Variants in NLK observed in about 807,000 individuals in gnomAD.
NLK encodes serine/threonine-protein kinase NLK.
A neutral mutation model predicts 59.0 loss-of-function variants in NLK; 11 were observed. The observed-to-expected ratio is 0.19, with a 90% CI of 0.12 to 0.31. The LOEUF is 0.31. NLK is among the 10% of genes least tolerant of loss of function. NLK has a pLI of 1.00. For missense variants in NLK, 410 were observed against 661.1 expected (o/e 0.62, Z 4.16); for synonymous variants, 235 against 235.9 (o/e 1.00, Z 0.03).
intron 7 of NLK, among the ~76,000 whole-genome samples, chr17:28,174,830 C>T (rs1012464109): frequency 6.6e-6 from 1 of 152,072 alleles, no homozygotes; most frequent in Non-Finnish European, 1.5e-5. Flanking sequence ...ACTTCCCACT[C>T]CCTGCCCACT....
chr17:28,167,659 G>T (rs1281449082), intron 5 of NLK, among the ~76,000 whole-genome samples: 1 of 150,886 alleles, frequency 6.6e-6, no homozygotes, highest in Non-Finnish European at 1.5e-5. Flanking sequence ...AGACCAGCCT[G>T]GGCAACATGG....
intron 6 of NLK, among the ~76,000 whole-genome samples, chr17:28,170,956 T>A (rs1908437825): frequency 6.6e-6 from 1 of 152,224 alleles, no homozygotes; most frequent in African/African-American, 2.4e-5. Flanking sequence ...GGCTCTAACT[T>A]CTAATGGAAG....
intron 7 of NLK, among the ~76,000 whole-genome samples, chr17:28,174,637 C>A (rs975935003): frequency 6.6e-6 from 1 of 152,138 alleles, no homozygotes; most frequent in African/African-American, 2.4e-5. Flanking sequence ...TAAAGTTATA[C>A]CAACAATACA....
chr17:28,123,252 TG>T (rs1906145427), intron 2 of NLK, among the ~76,000 whole-genome samples: 6 of 152,354 alleles, frequency 3.9e-5, no homozygotes, highest in African/African-American at 1.4e-4. Flanking sequence ...TCAATCTGAA[TG>T]TCTTTTTTAA....
At chr17:28,159,899 G>A (rs917346221) in intron 3 of NLK, among the ~76,000 whole-genome samples, 5 of 152,172 alleles carry the variant, frequency 3.3e-5, no homozygotes, top group Non-Finnish European at 7.3e-5. Flanking sequence ...ATGAATTGGA[G>A]GTATGGTGAA....
At chr17:28,075,267 C>T (rs149710800) in intron 1 of NLK, among the ~76,000 whole-genome samples, 15 of 152,276 alleles carry the variant, frequency 9.9e-5, no homozygotes, top group African/African-American at 3.1e-4. Context: ...TAAGGTGATT[C>T]GTGTGAAACT....
the NLK span, among the ~76,000 whole-genome samples, chr17:28,202,630 G>A: frequency 1.9e-4 from 28 of 149,536 alleles, no homozygotes; most frequent in African/African-American, 6.6e-4. Context: ...ATTTTCTCTT[G>A]TTCTATTTTC....
intron 7 of NLK, among the ~76,000 whole-genome samples, chr17:28,172,957 CT>C (rs1908523478): frequency 6.6e-6 from 1 of 152,148 alleles, no homozygotes; most frequent in South Asian, 2.1e-4. Context: ...TCAAGATGTC[CT>C]TTCCAAATAC....
chr17:28,104,417 A>G (rs1240671414), intron 1 of NLK, among the ~76,000 whole-genome samples: 1 of 152,024 alleles, frequency 6.6e-6, no homozygotes, highest in Non-Finnish European at 1.5e-5. Context: ...CACTATGCCC[A>G]GCTAATTTTT....
chr17:28,049,094 A>G (rs1039793290), intron 1 of NLK, among the ~76,000 whole-genome samples: 1 of 152,208 alleles, frequency 6.6e-6, no homozygotes, highest in Non-Finnish European at 1.5e-5. Flanking sequence ...CAACAGTTGT[A>G]ACACTGTCAG....
intron 1 of NLK, among the ~76,000 whole-genome samples, chr17:28,086,889 A>T (rs997324639): frequency 4.0e-5 from 6 of 150,894 alleles, no homozygotes; most frequent in East Asian, 1.9e-4. Flanking sequence ...ATATATATAT[A>T]TTTTATATTT....
chr17:28,132,746 G>C, intron 3 of NLK, 71 bp downstream of exon 3: 1 of 1,258,310 alleles, frequency 7.9e-7, no homozygotes, highest in South Asian at 1.3e-5. Context: ...GCACCTTTTG[G>C]GGTTCATGCC....
At chr17:28,105,264 C>T (rs1196785497) in intron 1 of NLK, among the ~76,000 whole-genome samples, 1 of 152,168 alleles carries the variant, frequency 6.6e-6, no homozygotes, top group Non-Finnish European at 1.5e-5. Flanking sequence ...AAAAATCCTC[C>T]TAACCATGTA....
intron 7 of NLK, among the ~76,000 whole-genome samples, chr17:28,179,872 G>GTTTT (rs34411493): frequency 1.9e-4 from 15 of 79,430 alleles, no homozygotes; most frequent in African/African-American, 3.0e-4. Context: ...AGCATTCTTG[G>GTTTT]TTTTTTTTTT....
chr17:28,112,219 G>A (rs1206309663), intron 1 of NLK, among the ~76,000 whole-genome samples: 2 of 152,016 alleles, frequency 1.3e-5, no homozygotes, highest in Non-Finnish European at 2.9e-5. Context: ...AACCAGGACA[G>A]CAGCCTTTGA....
At chr17:28,070,417 C>T (rs1299046285) in intron 1 of NLK, among the ~76,000 whole-genome samples, 1 of 138,390 alleles carries the variant, frequency 7.2e-6, no homozygotes, top group African/African-American at 2.7e-5. Flanking sequence ...TGCAGTGGTG[C>T]GATCTCGGCT....
intron 3 of NLK, among the ~76,000 whole-genome samples, chr17:28,151,292 C>T (rs148407802): frequency 6.6e-6 from 1 of 152,068 alleles, no homozygotes; most frequent in African/African-American, 2.4e-5. Flanking sequence ...AAGCAAAAAC[C>T]GTATCATAAG....
intron 7 of NLK, among the ~76,000 whole-genome samples, chr17:28,176,604 A>T (rs189769537): frequency 2.6e-4 from 39 of 152,362 alleles, no homozygotes; most frequent in African/African-American, 9.1e-4. Context: ...TCTAAAATCT[A>T]TGTTCTTAGC....
intron 1 of NLK, among the ~76,000 whole-genome samples, chr17:28,066,647 T>G (rs1177628267): frequency 6.6e-6 from 1 of 152,242 alleles, no homozygotes; most frequent in Non-Finnish European, 1.5e-5. Context: ...GTGGAATGAC[T>G]GGTTCAAATT....
Sources: gnomAD v4.1 joint callset for allele counts (sites outside exome capture counted in the v4.1 genomes callset) on GRCh38, gnomAD v4.1.1 for gene constraint, MANE v1.5 for transcripts, NCBI Gene and HGNC (gene_info 2026-07-23, HGNC 2026-07-21) for gene names.